The following CLINT1 variants were observed in gnomAD, a reference collection of about 807,000 sequenced individuals.
CLINT1 encodes clathrin interacting protein localized in the trans-Golgi region.
Under a neutral mutation model 70.4 loss-of-function variants are expected in CLINT1, and 15 were observed. The ratio of observed to expected loss-of-function variants is 0.21; its 90% CI spans 0.14 to 0.33. CLINT1 has a LOEUF of 0.33. Ranked by LOEUF, CLINT1 falls within the 10% of genes least tolerant of loss-of-function variation. CLINT1 has a pLI of 1.00. For synonymous variants in CLINT1, 227 were observed against 254.7 expected (o/e 0.89, Z 1.04); for missense variants, 615 against 778.1 (o/e 0.79, Z 2.49).
intron 1 of CLINT1, among the ~76,000 whole-genome samples, chr5:157,833,393 T>A (rs1230274031): frequency 1.3e-5 from 2 of 151,754 alleles, no homozygotes; most frequent in Non-Finnish European, 2.9e-5. Flanking sequence ...TAACAAGATA[T>A]AAAAGGTCCT....
At chr5:157,844,927 C>T (rs184961326) in intron 1 of CLINT1, among the ~76,000 whole-genome samples, 128 of 152,338 alleles carry the variant, frequency 8.4e-4, no homozygotes, top group Admixed American at 2.9e-3. Context: ...ATTTGCTTCC[C>T]TCTCATTAAG....
At chr5:157,844,917 A>G (rs1462795258) in intron 1 of CLINT1, among the ~76,000 whole-genome samples, 2 of 152,234 alleles carry the variant, frequency 1.3e-5, no homozygotes, top group African/African-American at 4.8e-5. Context: ...GGAAACATCT[A>G]TTTGCTTCCC....
Position 157,785,837 on chromosome 5 carries a change from G to C in CLINT1, c.*1809C>G, listed in dbSNP as rs528603332. 2.0e-5 allele frequency: 3 copies of C among 152,112 alleles called. No individual in the cohort carries two copies. The highest frequency in any genetic ancestry group is 4.4e-5 in the Non-Finnish European group (3 of 68,004). The allele number at this position is 152,112 out of a possible 1,614,324, so 9.4% of individuals were successfully genotyped here. A position where few individuals can be genotyped will look rare whatever the true frequency, so the allele number is the denominator to read the frequency against. Reference sequence around the variant, plus strand: ...AAGAAAAAATTTACTTAAGATGATCGGTTTTAAATATCAGGGACCATATTC... The same window carrying C: ...AAGAAAAAATTTACTTAAGATGATCCGTTTTAAATATCAGGGACCATATTC... On this transcript the variant is annotated 3_prime_UTR_variant, in exon 12 of 12. Transcript: ENST00000411809.
chr5:157,804,402 G>A (rs1444589930), intron 7 of CLINT1, among the ~76,000 whole-genome samples: 1 of 152,086 alleles, frequency 6.6e-6, no homozygotes, highest in Non-Finnish European at 1.5e-5. Context: ...AAATACCTAT[G>A]TCCTATATGT....
intron 8 of CLINT1, among the ~76,000 whole-genome samples, chr5:157,796,404 C>A (rs1486039054): frequency 1.3e-5 from 2 of 152,246 alleles, no homozygotes; most frequent in East Asian, 1.9e-4. Flanking sequence ...GTGAAACAGA[C>A]CAATATCTGA....
At chr5:157,850,068 A>G (rs1334910017) in intron 1 of CLINT1, among the ~76,000 whole-genome samples, 1 of 152,168 alleles carries the variant, frequency 6.6e-6, no homozygotes, top group Non-Finnish European at 1.5e-5. Context: ...CAGAACAGAG[A>G]AAGTGAGGGA....
At chr5:157,818,991 A>C (rs189736908) in intron 1 of CLINT1, among the ~76,000 whole-genome samples, 12 of 152,270 alleles carry the variant, frequency 7.9e-5, no homozygotes, top group Admixed American at 1.3e-4. Flanking sequence ...AAAAATCAGA[A>C]TTTGGTTAAC....
intron 9 of CLINT1, among the ~76,000 whole-genome samples, chr5:157,792,642 A>G (rs11950096): frequency 0.029 from 4,406 of 152,308 alleles, 206 homozygotes; most frequent in African/African-American, 0.1. Context: ...AACTGGGACC[A>G]TTTATTTACA....
At chr5:157,837,536 T>C (rs1349555605) in intron 1 of CLINT1, among the ~76,000 whole-genome samples, 3 of 152,206 alleles carry the variant, frequency 2.0e-5, no homozygotes. Flanking sequence ...GTCAATTATG[T>C]GTTGTTATTT....
At chr5:157,826,852 A>C (rs1041909478) in intron 1 of CLINT1, among the ~76,000 whole-genome samples, 1 of 152,304 alleles carries the variant, frequency 6.6e-6, no homozygotes, top group East Asian at 1.9e-4. Flanking sequence ...CTAATCTCTA[A>C]GAATATCCAG....
At chr5:157,806,158 T>A in intron 6 of CLINT1, 46 bp from the exon 7 acceptor site, 1 of 1,585,328 alleles carries the variant, frequency 6.3e-7, no homozygotes, top group Non-Finnish European at 8.6e-7. Flanking sequence ...CGGGATTATT[T>A]TAAAATGGGT....
chr5:157,792,051 G>A, intron 9 of CLINT1, 56 bp from the exon 10 acceptor site: 2 of 1,475,948 alleles, frequency 1.4e-6, no homozygotes, highest in Non-Finnish European at 1.8e-6. Flanking sequence ...CAGAACAAAT[G>A]TAACAATCTA....
At chr5:157,821,063 AGTT>A (rs1041126627) in intron 1 of CLINT1, among the ~76,000 whole-genome samples, 10 of 152,248 alleles carry the variant, frequency 6.6e-5, no homozygotes, top group East Asian at 1.9e-4. Flanking sequence ...CTTTACACTT[AGTT>A]GTTGTTTTTT....
chr5:157,814,110 C>G, intron 4 of CLINT1, 75 bp downstream of exon 4: 1 of 918,326 alleles, frequency 1.1e-6, no homozygotes, highest in Middle Eastern at 2.2e-4. Context: ...AGCAGAGAAG[C>G]TTCTAAGCTG....
intron 1 of CLINT1, among the ~76,000 whole-genome samples, chr5:157,818,466 C>CCAAAAA (rs1561653763): frequency 1.0e-5 from 1 of 100,270 alleles, no homozygotes; most frequent in African/African-American, 4.1e-5. Flanking sequence ...GACCTGGTCT[C>CCAAAAA]TAAAAAAAAA....
intron 1 of CLINT1, among the ~76,000 whole-genome samples, chr5:157,824,959 T>G (rs1353513033): frequency 4.6e-5 from 7 of 152,168 alleles, no homozygotes; most frequent in Non-Finnish European, 1.0e-4. Context: ...TCATGGAAAT[T>G]ACATTTTCTT....
intron 1 of CLINT1, among the ~76,000 whole-genome samples, chr5:157,841,191 G>A (rs748193256): frequency 3.9e-5 from 6 of 152,140 alleles, no homozygotes; most frequent in South Asian, 2.1e-4. Context: ...ACTTGATGCC[G>A]GGAGGTTGAG....
At chr5:157,845,877 T>C (rs985067768) in intron 1 of CLINT1, among the ~76,000 whole-genome samples, 1 of 152,172 alleles carries the variant, frequency 6.6e-6, no homozygotes, top group Non-Finnish European at 1.5e-5. Flanking sequence ...TCTTACAATA[T>C]TTCCAACTTT....
At chr5:157,803,744 A>G in intron 7 of CLINT1, 25 bp from the exon 8 acceptor site, 2 of 1,499,604 alleles carry the variant, frequency 1.3e-6, no homozygotes, top group Non-Finnish European at 1.8e-6. Flanking sequence ...ATAACTCAGG[A>G]GCTTCGAAAA....
Sources: gnomAD v4.1 joint callset for allele counts (sites outside exome capture counted in the v4.1 genomes callset) on GRCh38, gnomAD v4.1.1 for gene constraint, MANE v1.5 for transcripts, NCBI Gene and HGNC (gene_info 2026-07-23, HGNC 2026-07-21) for gene names.